Variants in PAPOLA observed in about 807,000 individuals in gnomAD.
PAPOLA encodes polynucleotide adenylyltransferase alpha.
In PAPOLA, 15 loss-of-function variants were observed where a neutral mutation model predicts 100.6. The ratio of observed to expected loss-of-function variants is 0.15; its 90% CI spans 0.10 to 0.23. The LOEUF (loss-of-function observed/expected upper bound fraction) is 0.23. Ranked by LOEUF, PAPOLA falls within the 10% of genes least tolerant of loss-of-function variation. The probability of loss-of-function intolerance (pLI) is 1.00; values close to 1 mark genes in which losing one functional copy is unlikely to be tolerated. For synonymous variants in PAPOLA, 293 were observed against 300.0 expected (o/e 0.98, Z 0.24); for missense variants, 533 against 884.2 (o/e 0.60, Z 5.04).
chr14:96,564,877 G>A, intron 21 of PAPOLA, 78 bp from the exon 22 acceptor site: 1 of 779,434 alleles, frequency 1.3e-6, no homozygotes, highest in Non-Finnish European at 2.3e-6. Flanking sequence ...TTCTTAGGAA[G>A]TAAAGCAATG....
intron 1 of PAPOLA, 70 bp downstream of exon 1, chr14:96,502,670 A>C (rs1053129938): frequency 6.6e-7 from 1 of 1,523,110 alleles, no homozygotes; most frequent in Non-Finnish European, 8.8e-7. Flanking sequence ...GAAGGGGAAG[A>C]GGTAGGCGGA....
At position 96,527,958 on chromosome 14, in the gene PAPOLA, T is replaced by G; in HGVS notation, c.447T>G (p.Val149=). ...CTTGTTTACTTTCCTTATAGGCTGT[T>G]GAAGAGGCATTCGTACCAGTTATTA... The part of the protein sequence containing the change: ...LQEEVKDLRA[V]EEAFVPVIKL... Residue 149 remains valine (V), a synonymous_variant, in exon 6 of 22, where the codon GTT becomes GTG. Transcript: ENST00000216277. 1 of 1,606,292 alleles carries G rather than the reference T, an allele frequency of 6.2e-7. No homozygotes were observed. Among genetic ancestry groups the G allele is most frequent in the Non-Finnish European group, 8.5e-7 (1 of 1,173,022 alleles).
At chr14:96,519,038 C>T (rs1897719150) in intron 1 of PAPOLA, among the ~76,000 whole-genome samples, 3 of 151,926 alleles carry the variant, frequency 2.0e-5, no homozygotes, top group South Asian at 4.1e-4. Context: ...GCCTGGGTGA[C>T]AGAGCGAGAC....
intron 19 of PAPOLA, among the ~76,000 whole-genome samples, chr14:96,559,733 C>T (rs1424704297): frequency 1.3e-5 from 2 of 151,570 alleles, no homozygotes; most frequent in East Asian, 3.9e-4. Context: ...CAACAGTTAA[C>T]AACTCACAGC....
rs116423023 is a variant in PAPOLA at position 96,523,208 on chromosome 14, G to A, written c.250-2102G>A. On this transcript the variant is annotated intron_variant, in intron 3 of 21. Transcript: ENST00000216277. ...AAAAAAAGATTTTGCAAGTGAAAAT[G>A]TTTTTCCATGACCTGAATTAAGAAA... 8.9e-3 allele frequency among the ~76,000 whole-genome samples: 1,349 copies of A among 152,130 alleles called. 29 individuals are homozygous for A. Among genetic ancestry groups the A allele is most frequent in the African/African-American group, 0.031 (1,288 of 41,484 alleles).
chr14:96,537,331 A>G (rs1899622088), intron 12 of PAPOLA: 1 of 402,510 alleles, frequency 2.5e-6, no homozygotes, highest in Non-Finnish European at 4.6e-6. Flanking sequence ...TGACAAAAAC[A>G]GTACATCTGT....
chr14:96,540,407 C>G (rs969959844), intron 12 of PAPOLA, among the ~76,000 whole-genome samples: 1 of 146,188 alleles, frequency 6.8e-6, no homozygotes, highest in Non-Finnish European at 1.5e-5. Flanking sequence ...TCTGCATGTT[C>G]TTTACCTTTT....
intron 1 of PAPOLA, among the ~76,000 whole-genome samples, chr14:96,513,639 T>C (rs1051240401): frequency 1.3e-5 from 2 of 152,170 alleles, no homozygotes; most frequent in Non-Finnish European, 2.9e-5. Flanking sequence ...ATGGCCAACA[T>C]TGGAGGTTTT....
chr14:96,557,872 T>TA (rs1480234711), intron 19 of PAPOLA, among the ~76,000 whole-genome samples: 1 of 152,122 alleles, frequency 6.6e-6, no homozygotes, highest in Non-Finnish European at 1.5e-5. Context: ...CCAGATTACT[T>TA]ACGATGCCTA....
intron 12 of PAPOLA, among the ~76,000 whole-genome samples, chr14:96,538,727 G>A (rs1899737708): frequency 6.6e-6 from 1 of 151,926 alleles, no homozygotes; most frequent in African/African-American, 2.4e-5. Context: ...TTAAGATAAA[G>A]TGATGACTAT....
intron 7 of PAPOLA, chr14:96,532,113 A>ATTT (rs1899069073): frequency 4.4e-6 from 6 of 1,355,576 alleles, no homozygotes; most frequent in Non-Finnish European, 5.7e-6. Flanking sequence ...GTCAGTGCTT[A>ATTT]CAATAGGAGA....
Position 96,520,208 on chromosome 14 carries a change from G to A in PAPOLA, c.162G>A (p.Glu54=), listed in dbSNP as rs1369939790. The A allele has an allele frequency of 6.2e-7, 1 of 1,612,460 alleles. No homozygotes were observed. The highest frequency in any genetic ancestry group is 8.5e-7 in the Non-Finnish European group (1 of 1,179,406). The change falls in exon 2 of 22, where the codon GAG becomes GAA. Residue 54 remains glutamate (E), a synonymous_variant. Coordinates refer to ENST00000216277, the MANE Select transcript of PAPOLA (RefSeq NM_032632.5). ...TGAAACCCTTTGGGGTTTTTGAAGA[G>A]GAAGAGGAACTGCAGCGCAGGTAAA... ...ETLKPFGVFE[E]EEELQRRILI...
chr14:96,556,124 A>G (rs773260544), intron 18 of PAPOLA, 51 bp from the exon 19 acceptor site: 1 of 1,427,152 alleles, frequency 7.0e-7, no homozygotes, highest in African/African-American at 1.4e-5. Flanking sequence ...TTACAACTTG[A>G]TACTGATTTG....
At chr14:96,506,750 C>T (rs949578184) in intron 1 of PAPOLA, among the ~76,000 whole-genome samples, 1 of 152,070 alleles carries the variant, frequency 6.6e-6, no homozygotes, top group African/African-American at 2.4e-5. Flanking sequence ...TCAGTGAACC[C>T]ATATTTTCCA....
intron 13 of PAPOLA, chr14:96,542,502 C>T (rs768303473): frequency 7.4e-6 from 4 of 539,630 alleles, no homozygotes; most frequent in South Asian, 3.0e-5. Context: ...TATGGAGATC[C>T]GTGCATAATT....
rs1364312716 is a variant in PAPOLA at position 96,531,944 on chromosome 14, T to A, written c.607+358T>A. 1.6e-6 allele frequency: 2 copies of A among 1,272,732 alleles called. 1 individual carries two copies. Among genetic ancestry groups the A allele is most frequent in the South Asian group, 4.4e-5 (2 of 45,202 alleles). 78.8% of individuals were successfully genotyped at this position (1,272,732 alleles called of 1,614,324 possible). The stretch of plus-strand genomic sequence containing the variant: ...CATTGCTGAGATCAGAAGGACTACT[T>A]TGGTACAATTTTATATTAGCATAGC... On this transcript the variant is annotated intron_variant, in intron 7 of 21. Transcript: ENST00000216277.
intron 1 of PAPOLA, among the ~76,000 whole-genome samples, chr14:96,510,779 A>T (rs79837409): frequency 9.2e-5 from 14 of 152,356 alleles, no homozygotes; most frequent in African/African-American, 3.4e-4. Flanking sequence ...ACTTACACAG[A>T]ACACCTTACG....
chr14:96,560,666 T>C lies in PAPOLA; in HGVS notation c.2022T>C (p.Asp674=), dbSNP rs1901765752. 6.2e-7 allele frequency: 1 copy of C among 1,607,934 alleles called. No individual in the cohort carries two copies. The highest frequency in any genetic ancestry group is 8.5e-7 in the Non-Finnish European group (1 of 1,175,936). ...AAAAACAGGATGAAACAAGTGAAGA[T>C]GCTAACTGTCTTGCTTTGAGTGGAC... The part of the protein sequence containing the change: ...TKTEEDETSE[D]ANCLALSGHD... The change falls in exon 20 of 22, where the codon GAT becomes GAC. Residue 674 remains aspartate, a synonymous_variant. Transcript: ENST00000216277.
chr14:96,538,405 T>A (rs1899710208), intron 12 of PAPOLA, among the ~76,000 whole-genome samples: 1 of 152,066 alleles, frequency 6.6e-6, no homozygotes, highest in Admixed American at 6.5e-5. Context: ...ATTAGAACTT[T>A]GGTGCTTTTT....
Sources: allele counts gnomAD v4.1 joint callset (sites outside exome capture counted in the v4.1 genomes callset), GRCh38; gene constraint gnomAD v4.1.1; transcripts MANE v1.5; gene names NCBI Gene and HGNC (gene_info 2026-07-23, HGNC 2026-07-21).